Variants in SLIT2 observed in about 807,000 individuals in gnomAD.
The protein encoded by SLIT2 is slit homolog 2 protein.
SLIT2 carries 41 observed loss-of-function variants against 185.7 expected under a neutral mutation model. The observed-to-expected ratio is 0.22, with a 90% CI of 0.17 to 0.29. The LOEUF is 0.29. Ranked by LOEUF, SLIT2 falls within the 10% of genes least tolerant of loss-of-function variation. The pLI is 1.00. For synonymous variants in SLIT2, 693 were observed against 680.2 expected (o/e 1.02, Z -0.29); for missense variants, 1,571 against 1,909.0 (o/e 0.82, Z 3.30).
chr4:20,538,756 T>C (rs1722527556), intron 18 of SLIT2, among the ~76,000 whole-genome samples: 1 of 149,620 alleles, frequency 6.7e-6, no homozygotes, highest in South Asian at 2.1e-4. Flanking sequence ...ATGACAATAG[T>C]GTTAATCCTA....
At chr4:20,501,156 A>G (rs987242367) in intron 9 of SLIT2, among the ~76,000 whole-genome samples, 5 of 152,130 alleles carry the variant, frequency 3.3e-5, no homozygotes, top group African/African-American at 1.2e-4. Flanking sequence ...AAGTTTTCAT[A>G]TTATGATTTC....
intron 29 of SLIT2, among the ~76,000 whole-genome samples, chr4:20,584,123 A>T (rs1726842887): frequency 6.6e-6 from 1 of 152,160 alleles, no homozygotes; most frequent in Admixed American, 6.5e-5. Context: ...TTTTTATTGA[A>T]AAAAAGGGAT....
At chr4:20,406,192 C>T (rs1411598859) in intron 4 of SLIT2, among the ~76,000 whole-genome samples, 2 of 144,220 alleles carry the variant, frequency 1.4e-5, no homozygotes, top group African/African-American at 4.9e-5. Flanking sequence ...AGATGAAAGA[C>T]CAAACAATAA....
chr4:20,613,282 G>T (rs999869969), intron 34 of SLIT2, among the ~76,000 whole-genome samples: 9 of 152,156 alleles, frequency 5.9e-5, no homozygotes, highest in Admixed American at 5.2e-4. Context: ...ACTGGATAAA[G>T]AAAATGTGGT....
chr4:20,431,474 G>A (rs933300644), intron 4 of SLIT2, among the ~76,000 whole-genome samples: 8 of 152,100 alleles, frequency 5.3e-5, no homozygotes, highest in African/African-American at 1.7e-4. Flanking sequence ...AGGGCTGAAC[G>A]CATCTTTTAT....
chr4:20,292,535 A>G (rs1410022336), intron 4 of SLIT2, among the ~76,000 whole-genome samples: 1 of 152,152 alleles, frequency 6.6e-6, no homozygotes, highest in Non-Finnish European at 1.5e-5. Flanking sequence ...GAAGGAGAAG[A>G]AGGAGAAACA....
At position 20,407,756 on chromosome 4, in the gene SLIT2, A is replaced by T. The variant is rs1276178390; in HGVS notation, c.396-59996A>T. ...AAATATGAGATGTCTCAGGCTTTTG[A>T]TTGAATTCTGGATGTGGAAGTAGCT... On this transcript the variant is annotated intron_variant, in intron 4 of 36. Coordinates refer to ENST00000504154, the MANE Select transcript of SLIT2 (RefSeq NM_004787.4). Among the ~76,000 whole-genome samples the T allele has an allele frequency of 2.0e-5, 3 of 152,184 alleles. No homozygotes were observed. The East Asian group carries it at 5.8e-4, about 29-fold the overall frequency.
In SLIT2 at chr4:20,589,684, C is replaced by T; in HGVS notation, c.3129C>T (p.Asp1043=). The change falls in exon 30 of 37, where the codon GAC becomes GAT. Residue 1043 remains aspartate (D), a synonymous_variant. Transcript: ENST00000504154. ...CEEKLDFCAQ[D]LNPCQHDSKC... ...AGAAGCTGGACTTCTGTGCCCAGGA[C>T]CTGAACCCCTGCCAGCACGATTCAA... is the stretch of plus-strand genomic sequence containing the variant. 1.2e-6 allele frequency: 2 copies of T among 1,613,928 alleles called. No individual in the cohort carries two copies. Among genetic ancestry groups the T allele is most frequent in the Non-Finnish European group, 1.7e-6 (2 of 1,179,954 alleles).
intron 29 of SLIT2, among the ~76,000 whole-genome samples, chr4:20,584,924 A>T (rs1475736426): frequency 6.6e-6 from 1 of 152,026 alleles, no homozygotes; most frequent in Non-Finnish European, 1.5e-5. Context: ...GCATGGTGGC[A>T]TGTGCCTGTA....
At chr4:20,321,404 G>A (rs1415303389) in intron 4 of SLIT2, among the ~76,000 whole-genome samples, 1 of 152,186 alleles carries the variant, frequency 6.6e-6, no homozygotes, top group Non-Finnish European at 1.5e-5. Context: ...ATCTTCAGGG[G>A]CTACACCATT....
chr4:20,596,749 T>C (rs1728012184), intron 32 of SLIT2, 94 bp downstream of exon 32: 8 of 1,259,536 alleles, frequency 6.4e-6, no homozygotes, highest in Middle Eastern at 2.1e-4. Flanking sequence ...ATTGATAGTA[T>C]GTCTTAAATA....
chr4:20,352,460 C>T lies in SLIT2; in HGVS notation c.395+83579C>T, dbSNP rs190495208. Among the ~76,000 whole-genome samples the T allele has an allele frequency of 1.5e-3, 232 of 152,236 alleles. 1 individual carries two copies. The highest frequency in any genetic ancestry group is 0.014 in the South Asian group (69 of 4,822). On this transcript the variant is annotated intron_variant, in intron 4 of 36. Coordinates refer to ENST00000504154, the MANE Select transcript of SLIT2 (RefSeq NM_004787.4). ...GGAGTTTGTTAATACGTAACAACTACTAATCACTAAGGCTAGATTTATTAC... is the reference window on the plus strand; with the variant it reads ...GGAGTTTGTTAATACGTAACAACTATTAATCACTAAGGCTAGATTTATTAC...
intron 11 of SLIT2, among the ~76,000 whole-genome samples, chr4:20,511,802 A>G (rs1036389697): frequency 1.3e-5 from 2 of 151,874 alleles, no homozygotes; most frequent in Admixed American, 6.6e-5. Context: ...AGACAATATC[A>G]GTCTCCTTTG....
At position 20,418,117 on chromosome 4, in the gene SLIT2, G is replaced by C. The variant is rs138182360; in HGVS notation, c.396-49635G>C. 5.9e-5 allele frequency among the ~76,000 whole-genome samples: 9 copies of C among 152,264 alleles called. No individual in the cohort carries two copies. The East Asian group carries it at 1.7e-3, about 29-fold the overall frequency. On this transcript the variant is annotated intron_variant, in intron 4 of 36. Transcript: ENST00000504154. ...TGGGGTCTGACCATCAATATCAGTT[G>C]AATTGGCATGGGAATGGATGACTCT...
At chr4:20,564,762 A>G (rs1043724037) in intron 26 of SLIT2, among the ~76,000 whole-genome samples, 3 of 147,038 alleles carry the variant, frequency 2.0e-5, no homozygotes, top group African/African-American at 7.6e-5. Flanking sequence ...TCCTGAGTGT[A>G]TGAGAATGCT....
At chr4:20,301,250 T>C (rs2109106762) in intron 4 of SLIT2, among the ~76,000 whole-genome samples, 2 of 152,276 alleles carry the variant, frequency 1.3e-5, no homozygotes, top group South Asian at 4.1e-4. Context: ...TAATTCAAAA[T>C]GCTGGCTATT....
At chr4:20,319,601 C>G (rs1435784555) in intron 4 of SLIT2, among the ~76,000 whole-genome samples, 1 of 151,796 alleles carries the variant, frequency 6.6e-6, no homozygotes, top group African/African-American at 2.4e-5. Context: ...TTAAGTAATT[C>G]CAGTATGGAA....
chr4:20,566,215 A>T (rs188453422), intron 26 of SLIT2, among the ~76,000 whole-genome samples: 6 of 152,182 alleles, frequency 3.9e-5, no homozygotes, highest in South Asian at 2.1e-4. Context: ...AAAATGTTCA[A>T]TTAGAATTAT....
chr4:20,513,344 G>A (rs1361591585), intron 11 of SLIT2, among the ~76,000 whole-genome samples: 1 of 152,136 alleles, frequency 6.6e-6, no homozygotes, highest in African/African-American at 2.4e-5. Context: ...TCAAATAACT[G>A]AGTTATTTTA....
Sources: gnomAD v4.1 joint callset for allele counts (sites outside exome capture counted in the v4.1 genomes callset) on GRCh38, gnomAD v4.1.1 for gene constraint, MANE v1.5 for transcripts, NCBI Gene and HGNC (gene_info 2026-07-23, HGNC 2026-07-21) for gene names.